Variants in SHPRH observed in about 807,000 individuals in gnomAD.
SHPRH encodes E3 ubiquitin-protein ligase SHPRH.
SHPRH carries 106 observed loss-of-function variants against 202.5 expected under a neutral mutation model. The ratio of observed to expected loss-of-function variants is 0.52; its 90% CI spans 0.45 to 0.62. The LOEUF is 0.62. SHPRH is among the 20% of genes least tolerant of loss of function. The pLI, the probability that SHPRH is intolerant of heterozygous loss-of-function variation, is 0.00. For synonymous variants in SHPRH, 729 were observed against 686.0 expected (o/e 1.06, Z -0.98); for missense variants, 1,710 against 2,020.0 (o/e 0.85, Z 2.94).
Position 145,947,653 on chromosome 6 carries a change from A to G in SHPRH, c.1062-10T>C, listed in dbSNP as rs1562363367. 1 of 1,611,594 alleles carries G rather than the reference A, an allele frequency of 6.2e-7. No individual in the cohort carries two copies. Among genetic ancestry groups the G allele is most frequent in the South Asian group, 1.1e-5 (1 of 90,868 alleles). The stretch of plus-strand genomic sequence containing the variant: ...GTACTCACGAATGATGCTGAGGAAA[A>G]AAACAAGATAAATCACATCATAGGA... On this transcript the variant is annotated splice_polypyrimidine_tract_variant and intron_variant, in intron 5 of 29. Transcript: ENST00000275233.
chr6:145,863,011 G>A (rs1292714093), downstream of SHPRH, among the ~76,000 whole-genome samples: 1 of 152,170 alleles, frequency 6.6e-6, no homozygotes, highest in Non-Finnish European at 1.5e-5. Context: ...AGCAAATTGT[G>A]TAGTGTCCAA....
At chr6:145,906,324 C>G (rs1028339742) in intron 25 of SHPRH, 2 of 152,118 alleles carry the variant, frequency 1.3e-5, no homozygotes, top group African/African-American at 4.8e-5. Context: ...CTCACTGTTT[C>G]ATCTTCTAGC....
At chr6:145,889,437 T>C (rs1028344613) in intron 28 of SHPRH, among the ~76,000 whole-genome samples, 4 of 152,256 alleles carry the variant, frequency 2.6e-5, no homozygotes, top group African/African-American at 7.2e-5. Flanking sequence ...GGGTAATATA[T>C]GACAGGTTGA....
In SHPRH at chr6:145,924,726, C is replaced by G. The variant is rs1445801700; in HGVS notation, c.3402+13G>C. 6.2e-7 allele frequency: 1 copy of G among 1,607,312 alleles called. No individual in the cohort carries two copies. Among genetic ancestry groups the G allele is most frequent in the Non-Finnish European group, 8.5e-7 (1 of 1,175,048 alleles). The stretch of plus-strand genomic sequence containing the variant: ...AGGCAAATACAAGTAAGAAACACTG[C>G]ATTTTGGCATACCTTTCTTTGAAGC... On this transcript the variant is annotated intron_variant, in intron 17 of 29. Coordinates refer to ENST00000275233, the MANE Select transcript of SHPRH (RefSeq NM_001042683.3).
chr6:145,952,821 G>C (rs915475283), intron 2 of SHPRH, among the ~76,000 whole-genome samples: 7 of 151,996 alleles, frequency 4.6e-5, no homozygotes, highest in Admixed American at 2.0e-4. Context: ...TAAAAATGCC[G>C]ATTTCCCCAG....
chr6:145,926,347 G>A (rs1784877182), intron 15 of SHPRH, 51 bp from the exon 16 acceptor site: 5 of 1,448,426 alleles, frequency 3.5e-6, no homozygotes, highest in Non-Finnish European at 4.8e-6. Flanking sequence ...AGAAGACTCT[G>A]AAGAGAACCT....
intron 25 of SHPRH, chr6:145,905,310 G>A (rs1490332003): frequency 6.6e-6 from 1 of 152,232 alleles, no homozygotes; most frequent in Non-Finnish European, 1.5e-5. Context: ...GAAAGGGAGA[G>A]AGGGACTGGG....
intron 24 of SHPRH, among the ~76,000 whole-genome samples, chr6:145,912,503 ACT>A (rs1391136256): frequency 6.6e-6 from 1 of 152,204 alleles, no homozygotes; most frequent in East Asian, 1.9e-4. Flanking sequence ...AAAAAATACT[ACT>A]TTATGTCATG....
At position 145,941,883 on chromosome 6, in the gene SHPRH, TA is replaced by T. The variant is rs1786817319; in HGVS notation, c.2239-10del. 1 of 1,612,410 alleles carries T rather than the reference TA, an allele frequency of 6.2e-7. No individual in the cohort carries two copies. Among genetic ancestry groups the T allele is most frequent in the Non-Finnish European group, 8.5e-7 (1 of 1,179,132 alleles). On this transcript the variant is annotated splice_polypyrimidine_tract_variant and intron_variant, in intron 9 of 29. Coordinates refer to ENST00000275233, the MANE Select transcript of SHPRH (RefSeq NM_001042683.3). Reference sequence around the variant, plus strand: ...TTCACTCCTTGATATACCTAGGAAATAATCAATACAGGCAGTTATTGCAAAA... The same window carrying T: ...TTCACTCCTTGATATACCTAGGAAATATCAATACAGGCAGTTATTGCAAAA...
chr6:145,891,295 G>A (rs948041090), intron 28 of SHPRH, among the ~76,000 whole-genome samples: 2 of 152,048 alleles, frequency 1.3e-5, no homozygotes, highest in African/African-American at 2.4e-5. Flanking sequence ...CCTTTGCACC[G>A]AAAGCACTGT....
At chr6:145,881,041 A>G (rs1299350280), downstream of SHPRH, among the ~76,000 whole-genome samples, 1 of 152,228 alleles carries the variant, frequency 6.6e-6, no homozygotes, top group Non-Finnish European at 1.5e-5. Context: ...TTTAAAATGT[A>G]AATAGGTTAT....
intron 25 of SHPRH, chr6:145,906,028 T>G (rs1251910589): frequency 6.6e-6 from 1 of 152,074 alleles, no homozygotes; most frequent in Admixed American, 6.6e-5. Context: ...AACCTGGCTA[T>G]CTTCTAAGCA....
chr6:145,891,051 A>C (rs1267121081), intron 28 of SHPRH, among the ~76,000 whole-genome samples: 2 of 152,162 alleles, frequency 1.3e-5, no homozygotes, highest in African/African-American at 2.4e-5. Flanking sequence ...ACCCTATCAC[A>C]GCACTCAGAA....
In SHPRH at chr6:145,922,710, C is replaced by T; in HGVS notation, c.3672G>A (p.Glu1224=). 7 of 1,611,988 alleles carry T rather than the reference C, an allele frequency of 4.3e-6. No homozygotes were observed. The highest frequency in any genetic ancestry group is 5.9e-6 in the Non-Finnish European group (7 of 1,178,752). Residue 1224 remains glutamate (E), a synonymous_variant, in exon 19 of 30, where the codon GAG becomes GAA. Transcript: ENST00000275233. ...GTCGGAGGTGACAGACTGTTGCAGA[C>T]TCAATAACATTACGAGATGGAGGTC... The part of the protein sequence containing the change: ...LEGPPSRNVI[E]SATVCHLRPA...
At chr6:145,939,519 C>T (rs1786505271) in intron 11 of SHPRH, among the ~76,000 whole-genome samples, 2 of 152,078 alleles carry the variant, frequency 1.3e-5, no homozygotes, top group Admixed American at 1.3e-4. Context: ...GAAATTATTG[C>T]TCATACTCTC....
chr6:145,915,866 T>C (rs1783906860), intron 23 of SHPRH, among the ~76,000 whole-genome samples: 1 of 152,076 alleles, frequency 6.6e-6, no homozygotes, highest in African/African-American at 2.4e-5. Flanking sequence ...ATCTTTAAGA[T>C]ATTTGTCATA....
chr6:145,922,362 G>A lies in SHPRH; in HGVS notation c.3720-14C>T. 6.4e-7 allele frequency: 1 copy of A among 1,553,452 alleles called. No individual in the cohort carries two copies. Among genetic ancestry groups the A allele is most frequent in the Non-Finnish European group, 8.6e-7 (1 of 1,160,462 alleles). ...CAAAAGACACAGCTGAAAAAAAAGA[G>A]ATTAACAGAAATATTCACAAACATA... On this transcript the variant is annotated splice_polypyrimidine_tract_variant and intron_variant, in intron 19 of 29. Coordinates refer to ENST00000275233, the MANE Select transcript of SHPRH (RefSeq NM_001042683.3).
chr6:145,879,700 C>T (rs1405818119), intron 2 of SHPRH, among the ~76,000 whole-genome samples: 1 of 151,978 alleles, frequency 6.6e-6, no homozygotes, highest in Non-Finnish European at 1.5e-5. Context: ...CTCCTGAGGT[C>T]AGGAGTTCGA....
In SHPRH at chr6:145,940,773, C is replaced by T. The variant is rs1786685196; in HGVS notation, c.2519G>A (p.Gly840Glu). ...KAAEMAQRLS[G>E]INRWCISGTP... is the part of the protein sequence containing the mutation. The stretch of plus-strand genomic sequence containing the variant: ...GCCACTGATACACCATCGATTAATC[C>T]CACTCAAACGCTGGGCCATTTCTGC... Residue 840 changes from glycine (G) to glutamate (E), a missense_variant, in exon 11 of 30, where the codon GGG becomes GAG. Transcript: ENST00000275233. The T allele has an allele frequency of 2.5e-6, 4 of 1,613,680 alleles. No individual in the cohort carries two copies. Among genetic ancestry groups the T allele is most frequent in the Non-Finnish European group, 3.4e-6 (4 of 1,179,822 alleles).
Sources: gnomAD v4.1 joint callset for allele counts (sites outside exome capture counted in the v4.1 genomes callset) on GRCh38, gnomAD v4.1.1 for gene constraint, MANE v1.5 for transcripts, NCBI Gene and HGNC (gene_info 2026-07-23, HGNC 2026-07-21) for gene names.